Variants in HECTD4 observed in about 807,000 individuals in gnomAD.
The protein encoded by HECTD4 is HECT domain E3 ubiquitin protein ligase 4.
HECTD4 carries 114 observed loss-of-function variants against 471.5 expected under a neutral mutation model. The observed-to-expected ratio is 0.24, with a 90% CI of 0.21 to 0.28. HECTD4 has a LOEUF of 0.28. HECTD4 is among the 10% of genes least tolerant of loss of function. HECTD4 has a pLI of 1.00. For synonymous variants in HECTD4, 2,012 were observed against 2,256.0 expected (o/e 0.89, Z 3.07); for missense variants, 3,866 against 5,651.5 (o/e 0.68, Z 10.13).
Position 112,244,073 on chromosome 12 carries a change from C to CAGA in HECTD4, c.4514-67_4514-65dup, listed in dbSNP as rs2033702757. The stretch of plus-strand genomic sequence containing the variant: ...ATCTGTACAACAGCCAAATGCAACA[C>CAGA]AGAACTACCCAACAGTCTAAGTGTA... On this transcript the variant is annotated intron_variant, in intron 29 of 75. Coordinates refer to ENST00000682272, the MANE Select transcript of HECTD4 (RefSeq NM_001388303.1). 2.0e-6 allele frequency: 3 copies of CAGA among 1,520,166 alleles called. No homozygotes were observed. The Admixed American group carries it at 5.5e-5, about 28-fold the overall frequency. 94.2% of individuals were successfully genotyped at this position (1,520,166 alleles called of 1,614,324 possible).
intron 22 of HECTD4, 90 bp downstream of exon 22, chr12:112,253,953 G>T: frequency 1.4e-6 from 2 of 1,438,404 alleles, no homozygotes; most frequent in Non-Finnish European, 9.5e-7. Context: ...CAGGGCAAAT[G>T]TTTTTCTGGG....
chr12:112,175,940 A>G (rs751540427), intron 65 of HECTD4, 81 bp from the exon 66 acceptor site: 14 of 1,545,722 alleles, frequency 9.1e-6, no homozygotes, highest in Non-Finnish European at 1.2e-5. Flanking sequence ...CTCTCACCAC[A>G]GCCTCTCCCC....
Position 112,252,438 on chromosome 12 carries a change from T to A in HECTD4, c.3538A>T (p.Thr1180Ser). 1 of 1,607,096 alleles carries A rather than the reference T, an allele frequency of 6.2e-7. No individual in the cohort carries two copies. The highest frequency in any genetic ancestry group is 8.5e-7 in the Non-Finnish European group (1 of 1,177,720). ...GATTCAAGTACCTGAGCGCGAACTGTGCAAGCAAAGCCCCACATGGCTTTA... is the reference window on the plus strand; with the variant it reads ...GATTCAAGTACCTGAGCGCGAACTGAGCAAGCAAAGCCCCACATGGCTTTA... ...PDKAMWGFAC[T>S]VRAQESSEDV... Residue 1180 changes from threonine to serine, a missense_variant, in exon 23 of 76, where the codon ACA becomes TCA. Coordinates refer to ENST00000682272, the MANE Select transcript of HECTD4 (RefSeq NM_001388303.1).
chr12:112,192,534 A>C, intron 59 of HECTD4, 26 bp downstream of exon 59: 1 of 1,490,842 alleles, frequency 6.7e-7, no homozygotes, highest in Non-Finnish European at 9.0e-7. Context: ...AGCTGTTCTC[A>C]TCATGACAAG....
intron 64 of HECTD4, 51 bp downstream of exon 64, chr12:112,178,879 TC>T: frequency 6.4e-7 from 1 of 1,551,930 alleles, no homozygotes; most frequent in Non-Finnish European, 8.7e-7. Flanking sequence ...CTCGGAGGCC[TC>T]CCCCACATCT....
chr12:112,202,045 C>T (rs2032443518), intron 54 of HECTD4, among the ~76,000 whole-genome samples: 1 of 152,138 alleles, frequency 6.6e-6, no homozygotes. Flanking sequence ...TATTTTCTTA[C>T]AATCAGAGTC....
In HECTD4 at chr12:112,239,984, C is replaced by T. The variant is rs768907443; in HGVS notation, c.5002G>A (p.Glu1668Lys). 1.2e-6 allele frequency: 2 copies of T among 1,613,998 alleles called. No homozygotes were observed. Among genetic ancestry groups the T allele is most frequent in the Non-Finnish European group, 1.7e-6 (2 of 1,179,874 alleles). Residue 1668 changes from glutamate to lysine, a missense_variant, in exon 33 of 76, where the codon GAA becomes AAA. Around this residue, in one of 16 missense-constraint regions of HECTD4, gnomAD observed 229 missense variants for 386.4 expected, o/e 0.59. Transcript: ENST00000682272. This position sits in a 1 kb window ranked among gnomAD's most constrained non-coding sequence, Gnocchi z 4.9. The part of the protein sequence containing the change: ...TCGGMVEQVQ[E>K]AFGETMTSVV... ...GAGGTCATGGTCTCGCCAAAGGCTT[C>T]CTGGACCTGCTCGACCATCCCACCA...
rs911539559 is a variant in HECTD4, at chr12:112,314,521, T to C, written c.721A>G (p.Thr241Ala). ...GTCTGTTTCTGTAATAGATGGACTG[T>C]GTGGACGAAAGTTTTCAATGATCCC... ...ARGSLKTFVH[T>A]VHLLQKQTDL... The change falls in exon 3 of 76, where the codon ACA becomes GCA. Residue 241 changes from threonine (T) to alanine (A), a missense_variant. Transcript: ENST00000682272. 10 of 1,529,630 alleles carry C rather than the reference T, an allele frequency of 6.5e-6. No homozygotes were observed. Among genetic ancestry groups the C allele is most frequent in the African/African-American group, 1.4e-5 (1 of 72,912 alleles). 94.8% of individuals were successfully genotyped at this position (1,529,630 alleles called of 1,614,324 possible). A position where few individuals can be genotyped will look rare whatever the true frequency, so the allele number is the denominator to read the frequency against.
rs2030991684 is a variant in HECTD4 at position 112,166,963 on chromosome 12, GCT to G, written c.12534+352_12534+353del. ...AGGTGGTCCCAGGGCTGACTCCTGT[GCT>G]CTGAGTCCCTGAAAAAACTCTTAAC... On this transcript the variant is annotated intron_variant, in intron 72 of 75. Coordinates refer to ENST00000682272, the MANE Select transcript of HECTD4 (RefSeq NM_001388303.1). The surrounding 1 kb of genome is among the most constrained non-coding windows in gnomAD (Gnocchi z 4.6). 1 of 195,548 alleles carries G rather than the reference GCT, an allele frequency of 5.1e-6. No homozygotes were observed. The highest frequency in any genetic ancestry group is 1.3e-4 in the South Asian group (1 of 7,474). The allele number at this position is 195,548 out of a possible 1,614,324, so 12.1% of individuals were successfully genotyped here. A position where few individuals can be genotyped will look rare whatever the true frequency, so the allele number is the denominator to read the frequency against.
At chr12:112,349,511 G>A (rs2036215751) in intron 1 of HECTD4, among the ~76,000 whole-genome samples, 1 of 151,474 alleles carries the variant, frequency 6.6e-6, no homozygotes, top group African/African-American at 2.4e-5. Context: ...TCCTTATCAA[G>A]TTACTTTCCA....
At chr12:112,292,974 A>T in intron 7 of HECTD4, among the ~76,000 whole-genome samples, 1 of 151,834 alleles carries the variant, frequency 6.6e-6, no homozygotes, top group South Asian at 2.1e-4. Context: ...GTGAGCTGAG[A>T]TCACACCATT....
intron 7 of HECTD4, among the ~76,000 whole-genome samples, chr12:112,294,644 C>T (rs778363287): frequency 3.9e-5 from 6 of 152,060 alleles, no homozygotes; most frequent in Non-Finnish European, 7.4e-5. Context: ...TACCCTCAAC[C>T]AACTCCATCT....
chr12:112,266,724 C>G (rs2034280929), intron 14 of HECTD4, among the ~76,000 whole-genome samples, 188 bp downstream of exon 14: 1 of 152,220 alleles, frequency 6.6e-6, no homozygotes, highest in Non-Finnish European at 1.5e-5. Flanking sequence ...TCAAGTCATC[C>G]TCCTGCCTTG....
At chr12:112,298,242 A>G (rs1363370041) in intron 7 of HECTD4, among the ~76,000 whole-genome samples, 1 of 152,140 alleles carries the variant, frequency 6.6e-6, no homozygotes, top group East Asian at 1.9e-4. Context: ...TCAAGATGGG[A>G]TATACTCTAA....
intron 1 of HECTD4, among the ~76,000 whole-genome samples, chr12:112,354,953 A>C (rs955735008): frequency 1.3e-5 from 2 of 152,056 alleles, no homozygotes; most frequent in Non-Finnish European, 1.5e-5. Context: ...TTAAATAAGC[A>C]TAAGGTTAAG....
At chr12:112,263,057 C>T (rs2034185377) in intron 17 of HECTD4, among the ~76,000 whole-genome samples, 1 of 150,932 alleles carries the variant, frequency 6.6e-6, no homozygotes, top group African/African-American at 2.4e-5. Context: ...AGCAAAGTGC[C>T]AGGTATTTAC....
intron 1 of HECTD4, among the ~76,000 whole-genome samples, chr12:112,338,491 C>T (rs2035997614): frequency 6.6e-6 from 1 of 152,010 alleles, no homozygotes; most frequent in Non-Finnish European, 1.5e-5. Context: ...CATGGTGGTG[C>T]GTGCCTGTAG....
intron 37 of HECTD4, among the ~76,000 whole-genome samples, chr12:112,234,104 T>G (rs11066205): frequency 0.041 from 6,230 of 152,274 alleles, 280 homozygotes; most frequent in African/African-American, 0.11. Flanking sequence ...CTTTCACCTA[T>G]TTTCAACTAT....
At chr12:112,354,692 AAAC>A (rs565218761) in intron 1 of HECTD4, among the ~76,000 whole-genome samples, 53 of 152,154 alleles carry the variant, frequency 3.5e-4, no homozygotes, top group African/African-American at 1.2e-3. Context: ...CAACAAAACA[AAAC>A]AACAACACAC....
Sources: gnomAD v4.1 joint callset for allele counts (sites outside exome capture counted in the v4.1 genomes callset) on GRCh38, gnomAD v4.1.1 for gene constraint, gnomAD v4.1.1 regional missense constraint, Gnocchi (gnomAD v3.1) non-coding constraint, MANE v1.5 for transcripts, NCBI Gene and HGNC (gene_info 2026-07-23, HGNC 2026-07-21) for gene names.